The following ADGRL3 variants were observed in gnomAD, a reference collection of about 807,000 sequenced individuals.
ADGRL3 encodes the protein calcium-independent alpha-latrotoxin receptor 3.
In ADGRL3, 62 loss-of-function variants were observed where a neutral mutation model predicts 153.5. The ratio of observed to expected loss-of-function variants is 0.40; its 90% CI spans 0.33 to 0.50. The LOEUF (loss-of-function observed/expected upper bound fraction) is 0.50, where lower values mean the gene tolerates loss of function less well. ADGRL3 is among the 20% of genes least tolerant of loss of function. The pLI is 0.47. For missense variants in ADGRL3, 1,641 were observed against 1,859.4 expected (o/e 0.88, Z 2.16); for synonymous variants, 710 against 672.5 (o/e 1.06, Z -0.86).
intron 1 of ADGRL3, among the ~76,000 whole-genome samples, chr4:61,382,223 TACTAAC>T (rs2151908664): frequency 6.6e-6 from 1 of 151,674 alleles, no homozygotes; most frequent in South Asian, 2.1e-4. Context: ...CCTGATTGCA[TACTAAC>T]ACTAATAGCA....
chr4:61,569,334 A>ATT (rs1248044882), intron 4 of ADGRL3, among the ~76,000 whole-genome samples: 1 of 152,180 alleles, frequency 6.6e-6, no homozygotes, highest in Non-Finnish European at 1.5e-5. Context: ...TTTATAGTAT[A>ATT]TTTATACAGT....
chr4:61,517,601 T>C, intron 4 of ADGRL3, 83 bp downstream of exon 4: 1 of 673,442 alleles, frequency 1.5e-6, no homozygotes. Flanking sequence ...ATGCCCGAAA[T>C]GTGTCTTCTT....
Position 62,037,771 on chromosome 4 carries a change from G to A in ADGRL3, c.3632G>A (p.Cys1211Tyr). Residue 1211 changes from cysteine to tyrosine, a missense_variant, in exon 24 of 27, where the codon TGT becomes TAT. By Grantham distance (194) the Cys-to-Tyr change is radical. This residue lies in a region of ADGRL3 where 517 missense variants were observed against 555.0 expected (regional missense o/e 0.93). Transcript: ENST00000683033. The stretch of plus-strand genomic sequence containing the variant: ...GGGAAATGCCTGCGAACACATTGCT[G>A]TAGTGGCAAAAGTACAGAGAGTTCC... ...EYGKCLRTHC[C>Y]SGKSTESSIG... 4 of 1,613,748 alleles carry A rather than the reference G, an allele frequency of 2.5e-6. No homozygotes were observed. Among genetic ancestry groups the A allele is most frequent in the Non-Finnish European group, 3.4e-6 (4 of 1,179,758 alleles).
At chr4:62,055,042 A>G (rs1049905390) in intron 25 of ADGRL3, among the ~76,000 whole-genome samples, 2 of 151,766 alleles carry the variant, frequency 1.3e-5, no homozygotes, top group African/African-American at 4.8e-5. Context: ...GTTTGACAGC[A>G]TTTAGGCAAT....
At chr4:61,551,510 A>G (rs2148816706) in intron 4 of ADGRL3, among the ~76,000 whole-genome samples, 1 of 152,288 alleles carries the variant, frequency 6.6e-6, no homozygotes, top group Non-Finnish European at 1.5e-5. Flanking sequence ...AGAATCCAGC[A>G]TTTTACTCAT....
intron 6 of ADGRL3, among the ~76,000 whole-genome samples, chr4:61,711,270 A>G (rs1227354324): frequency 6.6e-6 from 1 of 151,612 alleles, no homozygotes. Flanking sequence ...TACTATTTTC[A>G]CAGGAGAATG....
At chr4:61,644,273 T>TTTTTTG (rs567743767) in intron 5 of ADGRL3, among the ~76,000 whole-genome samples, 3,274 of 149,446 alleles carry the variant, frequency 0.022, 82 homozygotes, top group African/African-American at 0.052. Context: ...GAAGGGTTTT[T>TTTTTTG]TGTGTCTCTA....
chr4:61,496,670 G>A (rs2098322126), intron 2 of ADGRL3, among the ~76,000 whole-genome samples: 1 of 148,418 alleles, frequency 6.7e-6, no homozygotes, highest in Admixed American at 6.7e-5. Flanking sequence ...GGCCGGGCGT[G>A]GTGGCTCACG....
intron 6 of ADGRL3, among the ~76,000 whole-genome samples, chr4:61,697,460 TGAG>T (rs1353441841): frequency 6.6e-6 from 1 of 151,056 alleles, no homozygotes; most frequent in Non-Finnish European, 1.5e-5. Flanking sequence ...CTCGGGAGGC[TGAG>T]GAGGAGAATT....
At chr4:61,739,566 G>T (rs1305226592) in intron 8 of ADGRL3, among the ~76,000 whole-genome samples, 1 of 152,090 alleles carries the variant, frequency 6.6e-6, no homozygotes, top group Non-Finnish European at 1.5e-5. Context: ...ATGGATAAAT[G>T]GACTATGTTT....
At chr4:61,490,020 C>T (rs1018531725) in intron 2 of ADGRL3, among the ~76,000 whole-genome samples, 10 of 152,108 alleles carry the variant, frequency 6.6e-5, no homozygotes, top group African/African-American at 2.4e-4. Context: ...ATAGATTCTT[C>T]CTATTACTGT....
intron 2 of ADGRL3, among the ~76,000 whole-genome samples, chr4:61,491,757 T>G (rs1488086264): frequency 2.0e-5 from 3 of 152,122 alleles, no homozygotes; most frequent in Non-Finnish European, 4.4e-5. Flanking sequence ...TATATTATTT[T>G]TACCATTTTA....
chr4:61,235,395 T>A (rs1435418874), intron 1 of ADGRL3, among the ~76,000 whole-genome samples: 1 of 152,350 alleles, frequency 6.6e-6, no homozygotes, highest in Middle Eastern at 3.4e-3. Context: ...TCTGGCTATG[T>A]CCTTGATTAT....
chr4:61,940,151 A>G (rs1208100191), intron 15 of ADGRL3, among the ~76,000 whole-genome samples: 4 of 101,486 alleles, frequency 3.9e-5, no homozygotes, highest in East Asian at 6.2e-4. Flanking sequence ...TCATTGTTCA[A>G]TTCCCACCTA....
chr4:61,391,414 T>C (rs2096800465), intron 2 of ADGRL3, among the ~76,000 whole-genome samples: 1 of 152,182 alleles, frequency 6.6e-6, no homozygotes, highest in Non-Finnish European at 1.5e-5. Flanking sequence ...TTCACCTCCA[T>C]GACCCAATCA....
rs541014390 is a variant in ADGRL3 at position 61,646,317 on chromosome 4, G to A, written c.474-30509G>A. Among the ~76,000 whole-genome samples, 1,105 of 152,212 alleles carry A rather than the reference G, an allele frequency of 7.3e-3. 8 individuals carry two copies. Among genetic ancestry groups the A allele is most frequent in the African/African-American group, 0.025 (1,048 of 41,526 alleles). On this transcript the variant is annotated intron_variant, in intron 5 of 26. Transcript: ENST00000683033. Reference sequence around the variant, plus strand: ...GTCATTCTCCATCCAGCTTTGTTTCGTTGCTGGTGAGGAACTGCGTTCCTT... The same window carrying A: ...GTCATTCTCCATCCAGCTTTGTTTCATTGCTGGTGAGGAACTGCGTTCCTT...
chr4:62,062,812 TAA>T (rs1740909233), intron 25 of ADGRL3, among the ~76,000 whole-genome samples: 1 of 152,138 alleles, frequency 6.6e-6, no homozygotes, highest in African/African-American at 2.4e-5. Context: ...CTTGACATCA[TAA>T]AGTTAATAAT....
At chr4:61,569,585 A>G (rs1285105374) in intron 4 of ADGRL3, among the ~76,000 whole-genome samples, 2 of 152,056 alleles carry the variant, frequency 1.3e-5, no homozygotes, top group Non-Finnish European at 2.9e-5. Context: ...ACATTAATAA[A>G]AATACTCCCA....
At chr4:61,361,560 T>C (rs972173982) in intron 1 of ADGRL3, among the ~76,000 whole-genome samples, 3 of 152,168 alleles carry the variant, frequency 2.0e-5, no homozygotes, top group Admixed American at 6.6e-5. Flanking sequence ...CACAGGTACA[T>C]CTTGAAATCA....
Sources: gnomAD v4.1 joint callset for allele counts (sites outside exome capture counted in the v4.1 genomes callset) on GRCh38, gnomAD v4.1.1 for gene constraint, gnomAD v4.1.1 regional missense constraint, MANE v1.5 for transcripts, NCBI Gene and HGNC (gene_info 2026-07-23, HGNC 2026-07-21) for gene names.